LNX1: variants seen among roughly 807,000 people sequenced by gnomAD.
LNX1 encodes the protein ligand of numb-protein X 1.
In LNX1, 54 loss-of-function variants were observed where a neutral mutation model predicts 68.4. The observed-to-expected ratio is 0.79, with a 90% CI of 0.63 to 0.99. LNX1 has a LOEUF of 0.99. Ranked by LOEUF, LNX1 falls within the 50% of genes least tolerant of loss-of-function variation. LNX1 has a pLI of 0.00. For missense variants in LNX1, 906 were observed against 926.4 expected, an observed-to-expected ratio of 0.98 and a Z score of 0.29; for synonymous variants, 336 against 350.0, an observed-to-expected ratio of 0.96 and a Z score of 0.45.
At position 53,591,479 on chromosome 4, in the gene LNX1, G is replaced by A; in HGVS notation, c.-178C>T. 3 of 985,624 alleles carry A rather than the reference G, an allele frequency of 3.0e-6. No individual in the cohort carries two copies. Among genetic ancestry groups the A allele is most frequent in the Non-Finnish European group, 3.6e-6 (3 of 830,154 alleles). The allele number at this position is 985,624 out of a possible 1,614,324, so 61.1% of individuals were successfully genotyped here. On this transcript the variant is annotated 5_prime_UTR_variant, in exon 1 of 11. Transcript: ENST00000263925. Reference sequence around the variant, plus strand: ...GAACCGAGCAGCTCCTTGGGCCGCCGGAGTTGTGACCAGCCTCAACTTCGG... The same window carrying A: ...GAACCGAGCAGCTCCTTGGGCCGCCAGAGTTGTGACCAGCCTCAACTTCGG...
intron 2 of LNX1, among the ~76,000 whole-genome samples, chr4:53,570,733 A>C (rs1373853937): frequency 6.6e-6 from 1 of 151,496 alleles, no homozygotes; most frequent in Admixed American, 6.6e-5. Flanking sequence ...TTTTCAAAAA[A>C]AAAGAATCTT....
In LNX1 at chr4:53,591,397, C is replaced by A. The variant is rs1185845151; in HGVS notation, c.-96G>T. ...GAGGGTTTCAACTCACCTCTTCAAG[C>A]GACTGTCTGGGGCTCTCCAAGCAGC... On this transcript the variant is annotated 5_prime_UTR_variant, in exon 1 of 11. Transcript: ENST00000263925. The A allele has an allele frequency of 4.1e-6, 4 of 985,388 alleles. No homozygotes were observed. Among genetic ancestry groups the A allele is most frequent in the South Asian group, 9.4e-5 (2 of 21,290 alleles). The allele number at this position is 985,388 out of a possible 1,614,324, so 61.0% of individuals were successfully genotyped here.
At chr4:53,584,163 GT>G (rs1553941133) in intron 1 of LNX1, among the ~76,000 whole-genome samples, 5 of 151,914 alleles carry the variant, frequency 3.3e-5, no homozygotes, top group Middle Eastern at 3.4e-3. Flanking sequence ...TGTTGTTGTT[GT>G]TTTTTTTAAA....
chr4:53,602,220 T>G (rs1733048537), intron 2 of LNX1, among the ~76,000 whole-genome samples: 1 of 152,182 alleles, frequency 6.6e-6, no homozygotes, highest in Non-Finnish European at 1.5e-5. Context: ...CATCACCATC[T>G]ATTCTAGGTC....
intron 1 of LNX1, among the ~76,000 whole-genome samples, chr4:53,578,389 C>T (rs1731628715): frequency 6.6e-6 from 1 of 152,192 alleles, no homozygotes; most frequent in South Asian, 2.1e-4. Flanking sequence ...TAGTCTATGG[C>T]TCTTACGCTG....
chr4:53,472,147 C>G (rs1457064087), intron 9 of LNX1, among the ~76,000 whole-genome samples: 2 of 152,160 alleles, frequency 1.3e-5, no homozygotes, highest in East Asian at 3.8e-4. Context: ...CCATGGAATA[C>G]TATGTAGCCA....
chr4:53,577,039 C>T (rs1007012974), intron 1 of LNX1, among the ~76,000 whole-genome samples: 1 of 152,112 alleles, frequency 6.6e-6, no homozygotes. Context: ...CAGATAGGAC[C>T]ACAGAAGGCA....
chr4:53,550,264 A>G (rs1577698898), intron 2 of LNX1, among the ~76,000 whole-genome samples: 1 of 152,212 alleles, frequency 6.6e-6, no homozygotes, highest in Non-Finnish European at 1.5e-5. Context: ...AAATGCTTCG[A>G]GAGTCATTGA....
chr4:53,464,601 A>G (rs1722524672), intron 9 of LNX1, among the ~76,000 whole-genome samples: 1 of 129,898 alleles, frequency 7.7e-6, no homozygotes, highest in Non-Finnish European at 1.7e-5. Context: ...TTAAATGTCT[A>G]TATGCATACT....
At chr4:53,600,668 C>T (rs1405891401) in intron 2 of LNX1, among the ~76,000 whole-genome samples, 1 of 151,924 alleles carries the variant, frequency 6.6e-6, no homozygotes, top group Non-Finnish European at 1.5e-5. Context: ...GTGAAGACAC[C>T]CCTTTTTAAC....
chr4:53,513,322 C>G (rs1334193965), intron 2 of LNX1, among the ~76,000 whole-genome samples: 8 of 152,018 alleles, frequency 5.3e-5, no homozygotes, highest in Non-Finnish European at 1.2e-4. Context: ...ATTAGTTATA[C>G]CACCTCACTT....
At chr4:53,580,378 T>G (rs562580003) in intron 1 of LNX1, among the ~76,000 whole-genome samples, 1 of 152,312 alleles carries the variant, frequency 6.6e-6, no homozygotes, top group South Asian at 2.1e-4. Flanking sequence ...AGCTCCCCAA[T>G]TTATCAGTGT....
chr4:53,641,613 G>T (rs185293347), intron 1 of LNX1, among the ~76,000 whole-genome samples: 2 of 152,196 alleles, frequency 1.3e-5, no homozygotes, highest in African/African-American at 4.8e-5. Context: ...ATACATATAT[G>T]CCCATGAAAT....
chr4:53,495,983 G>A (rs6836800), intron 6 of LNX1, 40 bp downstream of exon 6: 746,213 of 1,581,634 alleles, frequency 0.47, 182,171 homozygotes, highest in Admixed American at 0.52. Flanking sequence ...GCTCATGTCC[G>A]GGGTTTCTGA....
At chr4:53,648,993 G>A (rs1734992831) in intron 1 of LNX1, among the ~76,000 whole-genome samples, 1 of 152,138 alleles carries the variant, frequency 6.6e-6, no homozygotes, top group South Asian at 2.1e-4. Context: ...AGCATGCAGG[G>A]CAATGCTGGG....
intron 2 of LNX1, among the ~76,000 whole-genome samples, chr4:53,607,669 A>C (rs1733288501): frequency 6.6e-6 from 1 of 152,256 alleles, no homozygotes; most frequent in South Asian, 2.1e-4. Flanking sequence ...AGCCAAGGCA[A>C]TCCTAAGCAA....
intron 9 of LNX1, among the ~76,000 whole-genome samples, chr4:53,464,973 TTGA>T (rs575344075): frequency 1.3e-4 from 20 of 152,288 alleles, no homozygotes; most frequent in African/African-American, 3.4e-4. Flanking sequence ...TGTAAGATGT[TTGA>T]TGATAACTTT....
At chr4:53,573,417 T>TA (rs35512254) in intron 2 of LNX1, among the ~76,000 whole-genome samples, 10 of 152,182 alleles carry the variant, frequency 6.6e-5, no homozygotes, top group African/African-American at 2.4e-4. Context: ...ATTAGAATTT[T>TA]AAAAAATCCC....
intron 9 of LNX1, 85 bp downstream of exon 9, chr4:53,476,668 A>G (rs1343357893): frequency 1.8e-6 from 2 of 1,132,466 alleles, no homozygotes; most frequent in Non-Finnish European, 2.7e-6. Context: ...AGTGCCATGA[A>G]TCAGCCCTAG....
Sources: allele counts gnomAD v4.1 joint callset (sites outside exome capture counted in the v4.1 genomes callset), GRCh38; gene constraint gnomAD v4.1.1; transcripts MANE v1.5; gene names NCBI Gene and HGNC (gene_info 2026-07-23, HGNC 2026-07-21).